Variants in LMBRD1 observed in about 807,000 individuals in gnomAD.
The protein encoded by LMBRD1 is lysosomal cobalamin transport escort protein LMBD1.
A neutral mutation model predicts 74.8 loss-of-function variants in LMBRD1; 64 were observed. That is an observed-to-expected ratio of 0.86 (90% CI 0.70 to 1.05). The LOEUF (loss-of-function observed/expected upper bound fraction) is 1.05, where lower values mean the gene tolerates loss of function less well. LMBRD1 is among the 50% of genes least tolerant of loss of function. The pLI, the probability that LMBRD1 is intolerant of heterozygous loss-of-function variation, is 0.00. For synonymous variants in LMBRD1, 204 were observed against 216.3 expected (o/e 0.94, Z 0.50); for missense variants, 652 against 645.9 (o/e 1.01, Z -0.10).
rs1765520570 is a variant in LMBRD1, at chr6:69,675,180, C to CT, written c.*977dup. ...TTAGATATAGTTGTTAATTCCTAAA[C>CT]TTTTTTTCAGAAACTTAATGATATT... On this transcript the variant is annotated 3_prime_UTR_variant, in exon 16 of 16. Coordinates refer to ENST00000649934, the MANE Select transcript of LMBRD1 (RefSeq NM_018368.4). Among the ~76,000 whole-genome samples, 1 of 151,948 alleles carries CT rather than the reference C, an allele frequency of 6.6e-6. No homozygotes were observed. Among genetic ancestry groups the CT allele is most frequent in the Non-Finnish European group, 1.5e-5 (1 of 67,994 alleles).
At chr6:69,705,648 T>C in intron 9 of LMBRD1, 2 of 883,162 alleles carry the variant, frequency 2.3e-6, no homozygotes, top group African/African-American at 1.7e-5. Context: ...ATTATCACCA[T>C]CTTCATCATT....
At chr6:69,689,997 C>T (rs747735025) in intron 14 of LMBRD1, among the ~76,000 whole-genome samples, 6 of 151,996 alleles carry the variant, frequency 3.9e-5, no homozygotes, top group Non-Finnish European at 5.9e-5. Flanking sequence ...ACTCAAAGCC[C>T]CTTATATAGG....
intron 14 of LMBRD1, among the ~76,000 whole-genome samples, chr6:69,677,290 T>C (rs1281070520): frequency 6.6e-6 from 1 of 152,154 alleles, no homozygotes; most frequent in Non-Finnish European, 1.5e-5. Flanking sequence ...CTTCAAGGTA[T>C]AGGGCAGAAC....
chr6:69,719,888 G>C (rs928149088), intron 7 of LMBRD1, among the ~76,000 whole-genome samples: 2 of 152,082 alleles, frequency 1.3e-5, no homozygotes, highest in Non-Finnish European at 2.9e-5. Flanking sequence ...CCCCCTGTTA[G>C]ATGGGCCATG....
chr6:69,713,915 A>G, intron 8 of LMBRD1, 118 bp from the exon 9 acceptor site: 1 of 1,067,550 alleles, frequency 9.4e-7, no homozygotes. Context: ...AGGCAAATTT[A>G]CAAACTAAAA....
chr6:69,731,727 T>G (rs1355425485), intron 7 of LMBRD1, among the ~76,000 whole-genome samples: 3 of 152,140 alleles, frequency 2.0e-5, no homozygotes, highest in African/African-American at 7.2e-5. Flanking sequence ...ATTCAGTAGT[T>G]TAGGTGTATT....
chr6:69,787,094 T>C (rs1173529797), intron 2 of LMBRD1, among the ~76,000 whole-genome samples: 1 of 152,186 alleles, frequency 6.6e-6, no homozygotes, highest in African/African-American at 2.4e-5. Context: ...TTGGCATCCT[T>C]TTTACTCTGA....
At chr6:69,718,311 T>G (rs566748462) in intron 8 of LMBRD1, among the ~76,000 whole-genome samples, 1 of 152,262 alleles carries the variant, frequency 6.6e-6, no homozygotes, top group East Asian at 1.9e-4. Context: ...TAAACGACGA[T>G]ACCTGAGAAC....
intron 4 of LMBRD1, among the ~76,000 whole-genome samples, chr6:69,751,356 C>G (rs1021611186): frequency 4.6e-5 from 7 of 150,664 alleles, no homozygotes; most frequent in Non-Finnish European, 2.9e-5. Context: ...GATGGAGTCT[C>G]GCTCTTGTTG....
Position 69,796,905 on chromosome 6 carries a change from C to G in LMBRD1, c.-24G>C. On this transcript the variant is annotated 5_prime_UTR_variant, in exon 1 of 16. Transcript: ENST00000649934. ...ATCTTCGCTTCCGGTCCAGACCAAC[C>G]TGAGCGCCCGGGGTGGGGAAAGGGG... The G allele has an allele frequency of 6.2e-7, 1 of 1,611,886 alleles. No individual in the cohort carries two copies. Among genetic ancestry groups the G allele is most frequent in the East Asian group, 2.2e-5 (1 of 44,862 alleles).
intron 1 of LMBRD1, among the ~76,000 whole-genome samples, chr6:69,792,749 G>A (rs6935994): frequency 0.46 from 70,546 of 152,030 alleles, 16,752 homozygotes; most frequent in East Asian, 0.6. Flanking sequence ...ATCCTCAGCA[G>A]TACTTGACAC....
chr6:69,791,172 C>G (rs533796231), intron 1 of LMBRD1, among the ~76,000 whole-genome samples: 47 of 152,302 alleles, frequency 3.1e-4, no homozygotes, highest in African/African-American at 1.1e-3. Context: ...TAATGATTCT[C>G]TAACGTTAGG....
intron 14 of LMBRD1, among the ~76,000 whole-genome samples, chr6:69,696,667 G>C (rs1001572862): frequency 6.6e-6 from 1 of 151,326 alleles, no homozygotes; most frequent in African/African-American, 2.4e-5. Context: ...TTCCTGAAAC[G>C]TTTCTTTTTT....
intron 4 of LMBRD1, among the ~76,000 whole-genome samples, 181 bp downstream of exon 4, chr6:69,752,078 A>G (rs1353823507): frequency 6.6e-6 from 1 of 152,254 alleles, no homozygotes; most frequent in African/African-American, 2.4e-5. Context: ...GGAATATATT[A>G]TGCTAAATAC....
chr6:69,705,105 C>T (rs533731470), intron 9 of LMBRD1, among the ~76,000 whole-genome samples: 28 of 151,944 alleles, frequency 1.8e-4, no homozygotes, highest in Non-Finnish European at 3.5e-4. Flanking sequence ...GGTGGAGTTC[C>T]GTCTTTAAAA....
chr6:69,680,579 T>C (rs1037992939), intron 14 of LMBRD1, among the ~76,000 whole-genome samples: 9 of 152,134 alleles, frequency 5.9e-5, no homozygotes, highest in African/African-American at 2.4e-5. Flanking sequence ...TTATTTTACA[T>C]GTTTACCTTT....
chr6:69,752,395 A>G (rs1251942344), intron 3 of LMBRD1, 39 bp from the exon 4 acceptor site: 2 of 1,485,826 alleles, frequency 1.3e-6, no homozygotes, highest in Admixed American at 1.7e-5. Context: ...TACTAAATAC[A>G]TATGTACTTA....
rs1766240343 is a variant in LMBRD1, at chr6:69,796,672, C to G, written c.69+141G>C. 19 of 776,090 alleles carry G rather than the reference C, an allele frequency of 2.4e-5. 1 individual carries two copies. In the South Asian group the frequency reaches 2.7e-4, roughly 11 times the overall value. 48.1% of individuals were successfully genotyped at this position (776,090 alleles called of 1,614,324 possible). A position where few individuals can be genotyped will look rare whatever the true frequency, so the allele number is the denominator to read the frequency against. On this transcript the variant is annotated intron_variant, in intron 1 of 15. Transcript: ENST00000649934. ...CCGCCGCCCGCCCAAGCCCCCAACA[C>G]TAAGGAGCCCTCCACAGTCCAAGCT...
chr6:69,784,989 C>T (rs1042354789), intron 2 of LMBRD1, among the ~76,000 whole-genome samples: 3 of 152,168 alleles, frequency 2.0e-5, no homozygotes, highest in African/African-American at 7.2e-5. Flanking sequence ...TGTCAGCATT[C>T]CTTATCACTT....
Sources: allele counts gnomAD v4.1 joint callset (sites outside exome capture counted in the v4.1 genomes callset), GRCh38; gene constraint gnomAD v4.1.1; transcripts MANE v1.5; gene names NCBI Gene and HGNC (gene_info 2026-07-23, HGNC 2026-07-21).